RBFOX1: variants seen among roughly 807,000 people sequenced by gnomAD.
The protein encoded by RBFOX1 is RNA binding protein fox-1 homolog 1.
A neutral mutation model predicts 57.7 loss-of-function variants in RBFOX1; 8 were observed. That is an observed-to-expected ratio of 0.14 (90% CI 0.08 to 0.25). The LOEUF (loss-of-function observed/expected upper bound fraction) is 0.25, where lower values mean the gene tolerates loss of function less well. Ranked by LOEUF, RBFOX1 falls within the 10% of genes least tolerant of loss-of-function variation. The probability of loss-of-function intolerance (pLI) is 1.00; values close to 1 mark genes in which losing one functional copy is unlikely to be tolerated. For missense variants in RBFOX1, 611 were observed against 548.5 expected (o/e 1.11, Z -1.14); for synonymous variants, 326 against 222.4 (o/e 1.47, Z -4.15).
intron 14 of RBFOX1, among the ~76,000 whole-genome samples, chr16:7,689,471 C>T (rs2076858471): frequency 6.6e-6 from 1 of 152,048 alleles, no homozygotes; most frequent in Admixed American, 6.6e-5. Flanking sequence ...AAAATGAGTG[C>T]CTGTGGAGCT....
At chr16:5,411,958 A>G (rs935926757) in intron 1 of RBFOX1, among the ~76,000 whole-genome samples, 3 of 152,296 alleles carry the variant, frequency 2.0e-5, no homozygotes, top group African/African-American at 7.2e-5. Context: ...GTTAAACTCA[A>G]CAGATCTCAC....
chr16:5,902,204 C>T (rs907022681), intron 4 of RBFOX1, among the ~76,000 whole-genome samples: 2 of 152,000 alleles, frequency 1.3e-5, no homozygotes, highest in Admixed American at 6.6e-5. Context: ...TACAACAGAC[C>T]CATTAAGTAC....
chr16:7,255,588 T>C (rs2153042475), intron 4 of RBFOX1, among the ~76,000 whole-genome samples: 1 of 152,328 alleles, frequency 6.6e-6, no homozygotes, highest in South Asian at 2.1e-4. Context: ...TTTATATTTG[T>C]GCATGCATGG....
At chr16:6,209,927 C>T (rs540501739) in intron 1 of RBFOX1, among the ~76,000 whole-genome samples, 1 of 152,228 alleles carries the variant, frequency 6.6e-6, no homozygotes, top group East Asian at 1.9e-4. Flanking sequence ...TTATTGGTGA[C>T]AAGAGCTTGT....
At chr16:5,488,081 G>C (rs1336563494) in intron 2 of RBFOX1, among the ~76,000 whole-genome samples, 1 of 151,266 alleles carries the variant, frequency 6.6e-6, no homozygotes, top group Non-Finnish European at 1.5e-5. Flanking sequence ...TGATAATGGA[G>C]GATTATGGTG....
chr16:7,101,045 A>G (rs1219739763), intron 4 of RBFOX1, among the ~76,000 whole-genome samples: 3 of 152,204 alleles, frequency 2.0e-5, no homozygotes, highest in African/African-American at 7.2e-5. Flanking sequence ...AAAGTTACCT[A>G]TATACACTAA....
chr16:5,275,412 C>G (rs1343066539), intron 1 of RBFOX1, among the ~76,000 whole-genome samples: 2 of 152,100 alleles, frequency 1.3e-5, no homozygotes, highest in African/African-American at 4.8e-5. Flanking sequence ...AGCAACCAGG[C>G]TGAGAATCAA....
chr16:6,992,517 C>G (rs1231120818), intron 3 of RBFOX1, among the ~76,000 whole-genome samples: 2 of 152,014 alleles, frequency 1.3e-5, no homozygotes, highest in African/African-American at 2.4e-5. Flanking sequence ...TCCAGCCTAG[C>G]AATTCCTTAA....
intron 3 of RBFOX1, among the ~76,000 whole-genome samples, chr16:6,933,575 T>A (rs2076903202): frequency 6.6e-6 from 1 of 152,156 alleles, no homozygotes. Flanking sequence ...TATCCAGGTG[T>A]GGTGGCAAGC....
chr16:5,828,892 A>T (rs934167810), intron 3 of RBFOX1, among the ~76,000 whole-genome samples: 1 of 152,192 alleles, frequency 6.6e-6, no homozygotes, highest in Non-Finnish European at 1.5e-5. Context: ...TGAGTAACTT[A>T]AAACAACATC....
intron 3 of RBFOX1, among the ~76,000 whole-genome samples, chr16:6,714,006 T>G (rs1194588108): frequency 6.6e-6 from 1 of 152,226 alleles, no homozygotes; most frequent in Non-Finnish European, 1.5e-5. Context: ...AAATCTCATC[T>G]TGAATTGTAA....
intron 3 of RBFOX1, among the ~76,000 whole-genome samples, chr16:6,723,445 C>G (rs1230823014): frequency 1.3e-5 from 2 of 152,070 alleles, no homozygotes; most frequent in Admixed American, 1.3e-4. Flanking sequence ...GGTGAACACA[C>G]AAAAGGGCAT....
intron 2 of RBFOX1, among the ~76,000 whole-genome samples, chr16:5,507,828 C>G (rs916001273): frequency 1.3e-5 from 2 of 152,164 alleles, no homozygotes; most frequent in Admixed American, 6.5e-5. Flanking sequence ...CCACCAGAAG[C>G]TGGGAAGACG....
intron 2 of RBFOX1, among the ~76,000 whole-genome samples, chr16:6,347,405 T>G (rs1449878056): frequency 6.6e-6 from 1 of 152,238 alleles, no homozygotes; most frequent in Non-Finnish European, 1.5e-5. Context: ...TCTTCTCATT[T>G]GGCTTATAAT....
At chr16:5,907,384 A>T (rs1225092953) in intron 4 of RBFOX1, among the ~76,000 whole-genome samples, 3 of 152,072 alleles carry the variant, frequency 2.0e-5, no homozygotes, top group Non-Finnish European at 2.9e-5. Context: ...TCTCCATCCA[A>T]AACCATTCTC....
intron 1 of RBFOX1, among the ~76,000 whole-genome samples, chr16:5,416,776 G>T (rs1486028506): frequency 1.3e-5 from 2 of 151,952 alleles, no homozygotes; most frequent in African/African-American, 2.4e-5. Flanking sequence ...CATTCATGCA[G>T]ATAGGAACAA....
intron 2 of RBFOX1, among the ~76,000 whole-genome samples, chr16:6,504,662 T>C (rs1449410864): frequency 6.6e-6 from 1 of 152,212 alleles, no homozygotes; most frequent in African/African-American, 2.4e-5. Flanking sequence ...CCCACTGCCA[T>C]GTTTTCCAAA....
At chr16:7,136,527 C>T (rs548868986) in intron 4 of RBFOX1, among the ~76,000 whole-genome samples, 16 of 151,600 alleles carry the variant, frequency 1.1e-4, no homozygotes, top group African/African-American at 2.2e-4. Context: ...TAACCTCATC[C>T]GCTCGAGTAG....
chr16:6,253,919 G>C (rs2152587755), intron 1 of RBFOX1, among the ~76,000 whole-genome samples: 1 of 152,184 alleles, frequency 6.6e-6, no homozygotes, highest in African/African-American at 2.4e-5. Flanking sequence ...CCAAAGAGTA[G>C]TGCAGAGAAT....
Sources: allele counts gnomAD v4.1 joint callset (sites outside exome capture counted in the v4.1 genomes callset), GRCh38; gene constraint gnomAD v4.1.1; transcripts MANE v1.5; gene names NCBI Gene and HGNC (gene_info 2026-07-23, HGNC 2026-07-21).